Variants in PLEKHG3 observed in about 807,000 individuals in gnomAD.
PLEKHG3 encodes pleckstrin homology and RhoGEF domain containing G3.
Under a neutral mutation model 94.9 loss-of-function variants are expected in PLEKHG3, and 62 were observed. That is an observed-to-expected ratio of 0.65 (90% CI 0.53 to 0.81). The LOEUF (loss-of-function observed/expected upper bound fraction) is 0.81. Among genes scored for constraint, PLEKHG3 ranks in the 30% least tolerant of loss-of-function variants. The pLI is 0.00. For missense variants in PLEKHG3, 1,461 were observed against 1,619.3 expected (o/e 0.90, Z 1.68); for synonymous variants, 614 against 654.0 (o/e 0.94, Z 0.93).
rs921785028 is a variant in PLEKHG3, at chr14:64,722,462, C to G, written c.-39-5131C>G. Among the ~76,000 whole-genome samples, 2 of 152,168 alleles carry G rather than the reference C, an allele frequency of 1.3e-5. No homozygotes were observed. Among genetic ancestry groups the G allele is most frequent in the African/African-American group, 2.4e-5 (1 of 41,436 alleles). On this transcript the variant is annotated intron_variant, in intron 1 of 16. Transcript: ENST00000247226. The surrounding 1 kb of genome is among the most constrained non-coding windows in gnomAD (Gnocchi z 4.3). ...CTCAAACTCCTGACCAAAGGTGATC[C>G]GCCCACCTCGGCCTCCCAAAGTGCT...
Position 64,741,640 on chromosome 14 carries a change from C to T in PLEKHG3, c.2123C>T (p.Ala708Val), listed in dbSNP as rs1285783687. 1.9e-6 allele frequency: 3 copies of T among 1,612,854 alleles called. No homozygotes were observed. The highest frequency in any genetic ancestry group is 2.5e-6 in the Non-Finnish European group (3 of 1,180,044). ...DRSSCKKKES[A>V]LSTRDRLLLD... ...TCTTCCTGCAAGAAGAAGGAATCAGCACTCTCCACCCGAGACCGGCTGTTG... is the reference window on the plus strand; with the variant it reads ...TCTTCCTGCAAGAAGAAGGAATCAGTACTCTCCACCCGAGACCGGCTGTTG... The change falls in exon 16 of 17, where the codon GCA becomes GTA. Residue 708 changes from alanine (A) to valine (V), a missense_variant. This residue lies in a region of PLEKHG3 where 1,201 missense variants were observed against 1,295.5 expected (regional missense o/e 0.93). Coordinates refer to ENST00000247226, the MANE Select transcript of PLEKHG3 (RefSeq NM_001308147.2).
In PLEKHG3 at chr14:64,721,832, G is replaced by T. The variant is rs1448092060; in HGVS notation, c.-39-5761G>T. ...TGCAGGGAGCAGTGGGAACACACAG[G>T]CAAGAGCTGGGCCTCTGGGGACAGT... On this transcript the variant is annotated intron_variant, in intron 1 of 16. Coordinates refer to ENST00000247226, the MANE Select transcript of PLEKHG3 (RefSeq NM_001308147.2). This position sits in a 1 kb window ranked among gnomAD's most constrained non-coding sequence, Gnocchi z 4.3. 1.3e-5 allele frequency among the ~76,000 whole-genome samples: 2 copies of T among 152,108 alleles called. No homozygotes were observed. The highest frequency in any genetic ancestry group is 2.9e-5 in the Non-Finnish European group (2 of 67,992).
chr14:64,737,294 C>T lies in PLEKHG3; in HGVS notation c.1385-62C>T, dbSNP rs539635611. On this transcript the variant is annotated intron_variant, in intron 13 of 16. Transcript: ENST00000247226. ...AGGTCTTTTTCCTGCTTACTGATCT[C>T]TTCCCCTCCCCTCCCCTGCCCCTCG... 4 of 1,347,558 alleles carry T rather than the reference C, an allele frequency of 3.0e-6. No homozygotes were observed. In the East Asian group the frequency reaches 7.1e-5, roughly 24 times the overall value. 83.5% of individuals were successfully genotyped at this position (1,347,558 alleles called of 1,614,324 possible). A position where few individuals can be genotyped will look rare whatever the true frequency, so the allele number is the denominator to read the frequency against.
chr14:64,749,588 A>G lies in PLEKHG3; in HGVS notation c.*5885A>G. On this transcript the variant is annotated 3_prime_UTR_variant, in exon 17 of 17. Transcript: ENST00000247226. This position sits in a 1 kb window ranked among gnomAD's most constrained non-coding sequence, Gnocchi z 4.7. ...CCCCTTCTGAGGGGGCCTCCAGGGC[A>G]AGCGGCCTGGGGTCCTCCACCTACC... 1 of 1,609,268 alleles carries G rather than the reference A, an allele frequency of 6.2e-7. No individual in the cohort carries two copies.
In PLEKHG3 at chr14:64,729,085, G is replaced by A. The variant is rs534262363; in HGVS notation, c.441G>A (p.Ala147=). The change falls in exon 3 of 17, where the codon GCG becomes GCA. Residue 147 remains alanine (A), a synonymous_variant. Transcript: ENST00000247226. ...TTGGGAACATAGAAAATATCTACGCGCTGAACAGGTGTGTGAATGGGCCTG... is the reference window on the plus strand; with the variant it reads ...TTGGGAACATAGAAAATATCTACGCACTGAACAGGTGTGTGAATGGGCCTG... ...ALFGNIENIY[A]LNSQLLRDLD... The A allele has an allele frequency of 1.6e-5, 24 of 1,475,380 alleles. No individual in the cohort carries two copies. The highest frequency in any genetic ancestry group is 1.5e-4 in the African/African-American group (11 of 71,774). 91.4% of individuals were successfully genotyped at this position (1,475,380 alleles called of 1,614,324 possible).
At chr14:64,706,407 A>G (rs1386878146) in intron 1 of PLEKHG3, among the ~76,000 whole-genome samples, 1 of 152,202 alleles carries the variant, frequency 6.6e-6, no homozygotes, top group African/African-American at 2.4e-5. Flanking sequence ...TGATCTGGCC[A>G]ATTCACTTAT....
chr14:64,736,619 G>A (rs895758926), intron 12 of PLEKHG3, among the ~76,000 whole-genome samples: 1 of 152,196 alleles, frequency 6.6e-6, no homozygotes. Flanking sequence ...CTCCGGCAGG[G>A]CTGGTAGTCA....
chr14:64,708,129 G>A (rs1392026972), intron 1 of PLEKHG3, among the ~76,000 whole-genome samples: 1 of 152,194 alleles, frequency 6.6e-6, no homozygotes, highest in Non-Finnish European at 1.5e-5. Flanking sequence ...AAACTTTCTG[G>A]TTAGGGAGGC....
At position 64,723,489 on chromosome 14, in the gene PLEKHG3, GAGAA is replaced by G. The variant is rs1241227575; in HGVS notation, c.-39-4100_-39-4097del. ...AGAAGGTTTCACAAGTATAGGACTT[GAGAA>G]AGAGTTTTCTTTTTTCTTTTTTTTT... On this transcript the variant is annotated intron_variant, in intron 1 of 16. Transcript: ENST00000247226. The surrounding 1 kb of genome is among the most constrained non-coding windows in gnomAD (Gnocchi z 4.5). 6.8e-6 allele frequency among the ~76,000 whole-genome samples: 1 copy of G among 146,870 alleles called. No individual in the cohort carries two copies. Among genetic ancestry groups the G allele is most frequent in the East Asian group, 1.9e-4 (1 of 5,164 alleles).
Position 64,743,631 on chromosome 14 carries a change from G to A in PLEKHG3, c.3588G>A (p.Pro1196=), listed in dbSNP as rs774405615. The stretch of plus-strand genomic sequence containing the variant: ...CGAAGGAAGAGGGTTCCAGGGACCC[G>A]GCAGACCCGAGCCAGCAGGGCAGAG... ...CQPKEEGSRD[P]ADPSQQGRVR... The change falls in exon 17 of 17, where the codon CCG becomes CCA. Residue 1196 remains proline, a synonymous_variant. Transcript: ENST00000247226. The surrounding 1 kb of genome is among the most constrained non-coding windows in gnomAD (Gnocchi z 7.2). 1.1e-5 allele frequency: 18 copies of A among 1,611,790 alleles called. No homozygotes were observed. The East Asian group carries it at 2.5e-4, about 22-fold the overall frequency.
Position 64,722,648 on chromosome 14 carries a change from G to A in PLEKHG3, c.-39-4945G>A, listed in dbSNP as rs1181604416. On this transcript the variant is annotated intron_variant, in intron 1 of 16. Transcript: ENST00000247226. The surrounding 1 kb of genome is among the most constrained non-coding windows in gnomAD (Gnocchi z 4.3). Reference sequence around the variant, plus strand: ...CTCCAAAGCAGCTGTGGTGCGGTGTGGCTTCTCATTCTTGAGTGTGGGGTG... The same window carrying A: ...CTCCAAAGCAGCTGTGGTGCGGTGTAGCTTCTCATTCTTGAGTGTGGGGTG... Among the ~76,000 whole-genome samples, 2 of 152,142 alleles carry A rather than the reference G, an allele frequency of 1.3e-5. No individual in the cohort carries two copies. Among genetic ancestry groups the A allele is most frequent in the African/African-American group, 4.8e-5 (2 of 41,426 alleles).
chr14:64,738,047 T>TGAAGGCAAC lies in PLEKHG3; in HGVS notation c.1404+675_1404+683dup. 7.7e-7 allele frequency: 1 copy of TGAAGGCAAC among 1,293,860 alleles called. No homozygotes were observed. The highest frequency in any genetic ancestry group is 1.0e-6 in the Non-Finnish European group (1 of 991,944). 80.1% of individuals were successfully genotyped at this position (1,293,860 alleles called of 1,614,324 possible). On this transcript the variant is annotated intron_variant, in intron 14 of 16. Transcript: ENST00000247226. This position sits in a 1 kb window ranked among gnomAD's most constrained non-coding sequence, Gnocchi z 4.8. ...TCTCTCTGGAGGACCTGACAGGGCA[T>TGAAGGCAAC]GAAGGCAACGAGAAGGGGGCTGGGC... is the stretch of plus-strand genomic sequence containing the variant.
chr14:64,711,374 C>T (rs1157187556), intron 1 of PLEKHG3, among the ~76,000 whole-genome samples: 1 of 152,088 alleles, frequency 6.6e-6, no homozygotes, highest in East Asian at 1.9e-4. Context: ...GCCAGTTATC[C>T]CAAAGGGTGT....
chr14:64,749,365 C>T lies in PLEKHG3; in HGVS notation c.*5662C>T, dbSNP rs867725744. 1 of 1,610,418 alleles carries T rather than the reference C, an allele frequency of 6.2e-7. No individual in the cohort carries two copies. Among genetic ancestry groups the T allele is most frequent in the Non-Finnish European group, 8.5e-7 (1 of 1,179,682 alleles). ...TCCTTGTCTTTCTTGCCGAGGCTGG[C>T]GTCGGGGCCGGAGAGGGAAGGCAGG... On this transcript the variant is annotated 3_prime_UTR_variant, in exon 17 of 17. Coordinates refer to ENST00000247226, the MANE Select transcript of PLEKHG3 (RefSeq NM_001308147.2). The surrounding 1 kb of genome is among the most constrained non-coding windows in gnomAD (Gnocchi z 4.7).
At position 64,742,288 on chromosome 14, in the gene PLEKHG3, A is replaced by G. The variant is rs751380510; in HGVS notation, c.2771A>G (p.Asn924Ser). The change falls in exon 16 of 17, where the codon AAC (asparagine) becomes AGC (serine). Residue 924 changes from asparagine to serine, a missense_variant. Around this residue, in one of 3 missense-constraint regions of PLEKHG3, gnomAD observed 1,201 missense variants for 1,295.5 expected, o/e 0.93. Transcript: ENST00000247226. ...AGCCACGTGAGCGAGCGCGTCAAGA[A>G]CAAGGTCTACCAGCTGGCCCGCCAG... ...MDSHVSERVK[N>S]KVYQLARQYS... 7 of 1,612,892 alleles carry G rather than the reference A, an allele frequency of 4.3e-6. No individual in the cohort carries two copies. Among genetic ancestry groups the G allele is most frequent in the Non-Finnish European group, 5.9e-6 (7 of 1,180,026 alleles).
rs951712276 is a variant in PLEKHG3 at position 64,722,071 on chromosome 14, T to C, written c.-39-5522T>C. 6.6e-6 allele frequency among the ~76,000 whole-genome samples: 1 copy of C among 152,042 alleles called. No individual in the cohort carries two copies. Among genetic ancestry groups the C allele is most frequent in the African/African-American group, 2.4e-5 (1 of 41,398 alleles). On this transcript the variant is annotated intron_variant, in intron 1 of 16. Coordinates refer to ENST00000247226, the MANE Select transcript of PLEKHG3 (RefSeq NM_001308147.2). This position sits in a 1 kb window ranked among gnomAD's most constrained non-coding sequence, Gnocchi z 4.3. The stretch of plus-strand genomic sequence containing the variant: ...GATTCCGAAAGTGCCGTCTTGGGGA[T>C]TGTTTGGGGGAAGGACAAAAGCCGC...
rs2139371040 is a variant in PLEKHG3, at chr14:64,720,464, C to T, written c.-39-7129C>T. On this transcript the variant is annotated intron_variant, in intron 1 of 16. Transcript: ENST00000247226. This position sits in a 1 kb window ranked among gnomAD's most constrained non-coding sequence, Gnocchi z 4.1. Reference sequence around the variant, plus strand: ...CTCTTGACTGTGTGAGTGGTGAGCTCATCCCGGCGCCATCTCAGAGTCCTT... The same window carrying T: ...CTCTTGACTGTGTGAGTGGTGAGCTTATCCCGGCGCCATCTCAGAGTCCTT... Among the ~76,000 whole-genome samples the T allele has an allele frequency of 6.6e-6, 1 of 152,344 alleles. No individual in the cohort carries two copies. Among genetic ancestry groups the T allele is most frequent in the African/African-American group, 2.4e-5 (1 of 41,582 alleles).
chr14:64,729,231 G>A (rs565486236), intron 3 of PLEKHG3, 138 bp downstream of exon 3: 2 of 557,654 alleles, frequency 3.6e-6, no homozygotes, highest in Middle Eastern at 4.6e-4. Context: ...GACAGGGAAG[G>A]GTTGTCCATC....
chr14:64,737,283 C>A, intron 13 of PLEKHG3, 73 bp from the exon 14 acceptor site: 2 of 1,187,556 alleles, frequency 1.7e-6, no homozygotes, highest in Non-Finnish European at 2.5e-6. Context: ...CTTTTTCCTG[C>A]TTACTGATCT....
Sources: allele counts gnomAD v4.1 joint callset (sites outside exome capture counted in the v4.1 genomes callset), GRCh38; gene constraint gnomAD v4.1.1; regional missense constraint gnomAD v4.1.1; non-coding constraint Gnocchi (gnomAD v3.1); transcripts MANE v1.5; gene names NCBI Gene and HGNC (gene_info 2026-07-23, HGNC 2026-07-21).